HMX1: variants seen among roughly 807,000 people sequenced by gnomAD.
The protein encoded by HMX1 is homeobox protein HMX1.
A neutral mutation model predicts 8.9 loss-of-function variants in HMX1; 8 were observed. The observed-to-expected ratio is 0.90, with a 90% CI of 0.53 to 1.63. The LOEUF (loss-of-function observed/expected upper bound fraction) is 1.63. HMX1 is among the 40% of genes most tolerant of loss of function. The pLI, the probability that HMX1 is intolerant of heterozygous loss-of-function variation, is 0.00. For synonymous variants in HMX1, 311 were observed against 283.4 expected (o/e 1.10, Z -0.98); for missense variants, 621 against 558.5 (o/e 1.11, Z -1.13).
In HMX1 at chr4:8,867,974, T is replaced by C; in HGVS notation, c.766A>G (p.Asn256Asp). The C allele has an allele frequency of 6.5e-7, 1 of 1,527,220 alleles. No homozygotes were observed. 94.6% of individuals were successfully genotyped at this position (1,527,220 alleles called of 1,614,324 possible). Residue 256 changes from asparagine (N) to aspartate (D), a missense_variant, in exon 2 of 2, where the codon AAC (asparagine) becomes GAC (aspartate). Transcript: ENST00000400677. ...GCTGCCAGCTGCCGCTTCCACTTGT[T>C]GCGGCGGTTCTGGAACCAGATCTTA... ...QVKIWFQNRR[N>D]KWKRQLAAEL...
chr4:8,864,365 C>G (rs369023757), downstream of HMX1, among the ~76,000 whole-genome samples: 6 of 152,228 alleles, frequency 3.9e-5, no homozygotes, highest in East Asian at 7.8e-4. Flanking sequence ...CAACTGGAAG[C>G]CCTGAGCAGC....
chr4:8,858,103 C>G (rs1721674347), intron 1 of HMX1, among the ~76,000 whole-genome samples: 1 of 151,870 alleles, frequency 6.6e-6, no homozygotes, highest in Non-Finnish European at 1.5e-5. Context: ...GAGGGGGCAG[C>G]AGGCCGACCG....
At chr4:8,861,261 G>A (rs920075699) in intron 1 of HMX1, among the ~76,000 whole-genome samples, 107 of 152,232 alleles carry the variant, frequency 7.0e-4, no homozygotes, top group African/African-American at 2.5e-3. Flanking sequence ...GCCCGGACCA[G>A]AAGCTGCGGC....
chr4:8,869,296 G>C (rs1722133258), intron 1 of HMX1, among the ~76,000 whole-genome samples: 1 of 152,254 alleles, frequency 6.6e-6, no homozygotes, highest in Non-Finnish European at 1.5e-5. Context: ...CCGGGACCCA[G>C]AAGCACTTGC....
intron 1 of HMX1, chr4:8,860,627 A>C (rs1293268046): frequency 6.6e-6 from 1 of 152,284 alleles, no homozygotes; most frequent in African/African-American, 2.4e-5. Flanking sequence ...CTAAGACGCA[A>C]GGCGGCCCGC....
Position 8,870,363 on chromosome 4 carries a change from G to A in HMX1, c.394+858C>T, listed in dbSNP as rs28481369. On this transcript the variant is annotated intron_variant, in intron 1 of 1. Transcript: ENST00000400677. The surrounding 1 kb of genome is among the most constrained non-coding windows in gnomAD (Gnocchi z 4.4). Reference sequence around the variant, plus strand: ...TGGGGAGGGGAAGCAGAACTAAGGGGTCAGATACCCAAGCAAGGGGGCAAA... The same window carrying A: ...TGGGGAGGGGAAGCAGAACTAAGGGATCAGATACCCAAGCAAGGGGGCAAA... Among the ~76,000 whole-genome samples the A allele has an allele frequency of 6.6e-6, 1 of 151,818 alleles. No homozygotes were observed. The highest frequency in any genetic ancestry group is 6.6e-5 in the Admixed American group (1 of 15,260).
At position 8,868,303 on chromosome 4, in the gene HMX1, C is replaced by T. The variant is rs1182757989; in HGVS notation, c.437G>A (p.Arg146His). 5.6e-6 allele frequency: 8 copies of T among 1,441,202 alleles called. No individual in the cohort carries two copies. The highest frequency in any genetic ancestry group is 2.6e-5 in the Admixed American group (1 of 37,988). The allele number at this position is 1,441,202 out of a possible 1,614,324, so 89.3% of individuals were successfully genotyped here. A position where few individuals can be genotyped will look rare whatever the true frequency, so the allele number is the denominator to read the frequency against. ...DSPETGEEMG[R>H]AEGAWPRGPG... ...GCCTCGCGGCCAGGCGCCCTCCGCA[C>T]GGCCCATCTCCTCGCCCGTCTCCGG... Residue 146 changes from arginine (R) to histidine (H), a missense_variant, in exon 2 of 2, where the codon CGT (arginine) becomes CAT (histidine). Transcript: ENST00000400677. The surrounding 1 kb of genome is among the most constrained non-coding windows in gnomAD (Gnocchi z 4.6).
At position 8,868,469 on chromosome 4, in the gene HMX1, G is replaced by T; in HGVS notation, c.395-124C>A. On this transcript the variant is annotated intron_variant, in intron 1 of 1. Transcript: ENST00000400677. The surrounding 1 kb of genome is among the most constrained non-coding windows in gnomAD (Gnocchi z 4.6). Reference sequence around the variant, plus strand: ...ACAAGCAGGAAGACCTTCCAGCACAGGGCTGGGCACCCAGCAGCTCTGGGG... The same window carrying T: ...ACAAGCAGGAAGACCTTCCAGCACATGGCTGGGCACCCAGCAGCTCTGGGG... 1 of 757,534 alleles carries T rather than the reference G, an allele frequency of 1.3e-6. No individual in the cohort carries two copies. The highest frequency in any genetic ancestry group is 1.8e-6 in the Non-Finnish European group (1 of 547,510). 46.9% of individuals were successfully genotyped at this position (757,534 alleles called of 1,614,324 possible).
At chr4:8,851,444 G>A (rs556340181) in intron 1 of HMX1, among the ~76,000 whole-genome samples, 2 of 152,320 alleles carry the variant, frequency 1.3e-5, no homozygotes, top group East Asian at 1.9e-4. Flanking sequence ...GCTGAGAAGC[G>A]AAGGCAGCCA....
In HMX1 at chr4:8,848,647, C is replaced by A. The variant is rs1244866906; in HGVS notation, c.395-2323G>T. Among the ~76,000 whole-genome samples, 1 of 152,194 alleles carries A rather than the reference C, an allele frequency of 6.6e-6. No individual in the cohort carries two copies. The highest frequency in any genetic ancestry group is 1.5e-5 in the Non-Finnish European group (1 of 68,032). ...GCCGGCTGCTGTAGACCAACCTAAA[C>A]CAGGCTCCCCCATCCCCCTTTTTTC... is the stretch of plus-strand genomic sequence containing the variant. On this transcript the variant is annotated intron_variant, in intron 1 of 1. Transcript: ENST00000506970. The surrounding 1 kb of genome is among the most constrained non-coding windows in gnomAD (Gnocchi z 4.1).
In HMX1 at chr4:8,867,343, G is replaced by T. The variant is rs1341041200; in HGVS notation, c.*350C>A. The T allele has an allele frequency of 9.9e-7, 1 of 1,008,426 alleles. No homozygotes were observed. 62.5% of individuals were successfully genotyped at this position (1,008,426 alleles called of 1,614,324 possible). The stretch of plus-strand genomic sequence containing the variant: ...CCGGTTCGTAGTTTTCCTTTGTTGC[G>T]CTGGGCTTGGCCTGAGGGCAGCTGC... On this transcript the variant is annotated 3_prime_UTR_variant, in exon 2 of 2. Transcript: ENST00000400677.
chr4:8,865,418 G>A (rs566500700), downstream of HMX1, among the ~76,000 whole-genome samples: 8 of 152,252 alleles, frequency 5.3e-5, no homozygotes, highest in East Asian at 7.8e-4. Context: ...CAGTGCCACC[G>A]GCACACAGTG....
intron 1 of HMX1, among the ~76,000 whole-genome samples, chr4:8,869,952 C>T (rs892551004): frequency 1.3e-5 from 2 of 152,066 alleles, no homozygotes; most frequent in African/African-American, 4.8e-5. Flanking sequence ...CAGAGTCGCT[C>T]GATTTCTGGG....
chr4:8,870,238 C>T lies in HMX1; in HGVS notation c.394+983G>A, dbSNP rs1412282717. Among the ~76,000 whole-genome samples the T allele has an allele frequency of 2.0e-5, 3 of 151,898 alleles. No individual in the cohort carries two copies. Among genetic ancestry groups the T allele is most frequent in the African/African-American group, 2.4e-5 (1 of 41,342 alleles). On this transcript the variant is annotated intron_variant, in intron 1 of 1. Transcript: ENST00000400677. This position sits in a 1 kb window ranked among gnomAD's most constrained non-coding sequence, Gnocchi z 4.4. ...GGCTGTGTTGGGGGTGGGGGGCTGG[C>T]TAAGCCAGGGCTTGGGGGGTTGGAC...
intron 1 of HMX1, among the ~76,000 whole-genome samples, chr4:8,852,009 C>A (rs1372652414): frequency 6.6e-6 from 1 of 152,278 alleles, no homozygotes; most frequent in Non-Finnish European, 1.5e-5. Context: ...GGTTCCCGGG[C>A]AGGCAGCCCC....
Position 8,871,073 on chromosome 4 carries a change from T to G in HMX1, c.394+148A>C, listed in dbSNP as rs1722196417. 4 of 792,190 alleles carry G rather than the reference T, an allele frequency of 5.0e-6. No individual in the cohort carries two copies. The highest frequency in any genetic ancestry group is 4.4e-5 in the East Asian group (1 of 22,614). The allele number at this position is 792,190 out of a possible 1,614,324, so 49.1% of individuals were successfully genotyped here. A position where few individuals can be genotyped will look rare whatever the true frequency, so the allele number is the denominator to read the frequency against. On this transcript the variant is annotated intron_variant, in intron 1 of 1. Transcript: ENST00000400677. This position sits in a 1 kb window ranked among gnomAD's most constrained non-coding sequence, Gnocchi z 4.8. ...CCAAACCAGCCCAACCAGGGGCTCCTGGGGGCCCCACAAGGCCCAGACGCC... is the reference window on the plus strand; with the variant it reads ...CCAAACCAGCCCAACCAGGGGCTCCGGGGGGCCCCACAAGGCCCAGACGCC...
In HMX1 at chr4:8,867,562, T is replaced by C; in HGVS notation, c.*131A>G. ...AGGCCCGCCCGGCCGCGGCCTGCGC[T>C]CCCGAGGTATCTAGGAGGCCGCAGG... On this transcript the variant is annotated 3_prime_UTR_variant, in exon 2 of 2. Coordinates refer to ENST00000400677, the MANE Select transcript of HMX1 (RefSeq NM_018942.3). The C allele has an allele frequency of 1.7e-6, 2 of 1,186,822 alleles. No individual in the cohort carries two copies. Among genetic ancestry groups the C allele is most frequent in the Non-Finnish European group, 2.1e-6 (2 of 959,374 alleles). 73.5% of individuals were successfully genotyped at this position (1,186,822 alleles called of 1,614,324 possible). A position where few individuals can be genotyped will look rare whatever the true frequency, so the allele number is the denominator to read the frequency against.
At position 8,848,297 on chromosome 4, in the gene HMX1, TATC is replaced by T. The variant is rs1721335979; in HGVS notation, c.395-1976_395-1974del. The stretch of plus-strand genomic sequence containing the variant: ...TAATTTTGAACATGTTGGATGAAAT[TATC>T]ATTTATTTGCAACTGTTTGTTCTTT... On this transcript the variant is annotated intron_variant, in intron 1 of 1. Coordinates refer to the HMX1 transcript ENST00000506970. This position sits in a 1 kb window ranked among gnomAD's most constrained non-coding sequence, Gnocchi z 4.1. 6.6e-6 allele frequency among the ~76,000 whole-genome samples: 1 copy of T among 152,220 alleles called. No individual in the cohort carries two copies. The highest frequency in any genetic ancestry group is 1.9e-4 in the East Asian group (1 of 5,200).
chr4:8,869,561 G>A (rs2109475162), intron 1 of HMX1, among the ~76,000 whole-genome samples: 1 of 152,384 alleles, frequency 6.6e-6, no homozygotes, highest in Admixed American at 6.5e-5. Flanking sequence ...TTCTGTGCGT[G>A]GTTCCAGCTC....
Sources: gnomAD v4.1 joint callset for allele counts (sites outside exome capture counted in the v4.1 genomes callset) on GRCh38, gnomAD v4.1.1 for gene constraint, Gnocchi (gnomAD v3.1) non-coding constraint, MANE v1.5 for transcripts, NCBI Gene and HGNC (gene_info 2026-07-23, HGNC 2026-07-21) for gene names.